Variants in SBF2 observed in about 807,000 individuals in gnomAD.
The protein encoded by SBF2 is myotubularin-related protein 13.
Under a neutral mutation model 225.2 loss-of-function variants are expected in SBF2, and 112 were observed. The ratio of observed to expected loss-of-function variants is 0.50; its 90% CI spans 0.43 to 0.58. SBF2 has a LOEUF of 0.58. Ranked by LOEUF, SBF2 falls within the 20% of genes least tolerant of loss-of-function variation. SBF2 has a pLI of 0.00. For missense variants in SBF2, 1,996 were observed against 2,206.2 expected (o/e 0.90, Z 1.91); for synonymous variants, 763 against 773.3 (o/e 0.99, Z 0.22).
intron 1 of SBF2, among the ~76,000 whole-genome samples, chr11:10,274,570 G>C (rs555416712): frequency 9.1e-4 from 138 of 152,218 alleles, no homozygotes; most frequent in African/African-American, 3.2e-3. Context: ...GGCCAACATA[G>C]TGAAACACTG....
At chr11:10,198,919 G>A (rs1262730551) in intron 1 of SBF2, among the ~76,000 whole-genome samples, 1 of 152,186 alleles carries the variant, frequency 6.6e-6, no homozygotes, top group Non-Finnish European at 1.5e-5. Context: ...TTTGTCTTAA[G>A]AAAATGTTGT....
At chr11:10,117,113 T>C (rs1363907105) in intron 2 of SBF2, among the ~76,000 whole-genome samples, 3 of 152,166 alleles carry the variant, frequency 2.0e-5, no homozygotes, top group Non-Finnish European at 1.5e-5. Context: ...TTTACTTTCA[T>C]AGTACTGATA....
chr11:9,856,951 C>A (rs566725257), intron 18 of SBF2, among the ~76,000 whole-genome samples: 18 of 152,162 alleles, frequency 1.2e-4, no homozygotes, highest in South Asian at 2.1e-4. Flanking sequence ...CCACGCCCAG[C>A]TAATTTTTTG....
chr11:9,932,844 TAA>T (rs1187064213), intron 16 of SBF2, among the ~76,000 whole-genome samples: 1 of 149,668 alleles, frequency 6.7e-6, no homozygotes, highest in Non-Finnish European at 1.5e-5. Context: ...GCAAATTGAA[TAA>T]AGAGTCAAGA....
chr11:9,814,766 C>G (rs530086041), intron 29 of SBF2, among the ~76,000 whole-genome samples: 3 of 152,206 alleles, frequency 2.0e-5, no homozygotes, highest in African/African-American at 7.2e-5. Context: ...TTCCTATTTC[C>G]CAACTATACA....
At chr11:9,825,662 T>C (rs1405008820) in intron 28 of SBF2, among the ~76,000 whole-genome samples, 3 of 152,174 alleles carry the variant, frequency 2.0e-5, no homozygotes, top group Non-Finnish European at 4.4e-5. Context: ...TTTTGTAAAG[T>C]AGAATCTTTA....
intron 16 of SBF2, among the ~76,000 whole-genome samples, chr11:9,930,464 G>C (rs1444253102): frequency 6.6e-6 from 1 of 152,196 alleles, no homozygotes; most frequent in African/African-American, 2.4e-5. Context: ...AATGGGTATA[G>C]AGGCAGGGTG....
intron 2 of SBF2, among the ~76,000 whole-genome samples, chr11:10,125,521 TA>T (rs1953708334): frequency 6.6e-6 from 1 of 152,200 alleles, no homozygotes; most frequent in South Asian, 2.1e-4. Flanking sequence ...TCCTGCCTTT[TA>T]TATGTGTGTC....
At chr11:10,176,748 A>T (rs1342509243) in intron 2 of SBF2, among the ~76,000 whole-genome samples, 1 of 152,200 alleles carries the variant, frequency 6.6e-6, no homozygotes, top group African/African-American at 2.4e-5. Context: ...TCACAGCCGA[A>T]TTGTACCAGA....
intron 2 of SBF2, among the ~76,000 whole-genome samples, chr11:10,178,224 T>C (rs1433438593): frequency 6.7e-6 from 1 of 149,658 alleles, no homozygotes; most frequent in Non-Finnish European, 1.5e-5. Flanking sequence ...ACGTTAGACC[T>C]AAAACCATAA....
chr11:10,026,471 C>G (rs568944204), intron 6 of SBF2, among the ~76,000 whole-genome samples: 1 of 152,162 alleles, frequency 6.6e-6, no homozygotes. Context: ...TGGCTCATGC[C>G]TATAATCCCA....
At chr11:10,108,515 C>CT (rs34189666) in intron 2 of SBF2, among the ~76,000 whole-genome samples, 2,588 of 83,478 alleles carry the variant, frequency 0.031, 309 homozygotes, top group African/African-American at 0.063. Context: ...TAATAGTTAA[C>CT]TTTTTTTTTT....
At chr11:10,186,741 G>T (rs1264888106) in intron 2 of SBF2, among the ~76,000 whole-genome samples, 1 of 152,112 alleles carries the variant, frequency 6.6e-6, no homozygotes, top group East Asian at 1.9e-4. Context: ...TTCCTCTGGT[G>T]ACCAGCCCCT....
chr11:10,145,835 G>A lies in SBF2; in HGVS notation c.141+48067C>T, dbSNP rs181990089. On this transcript the variant is annotated intron_variant, in intron 2 of 39. Coordinates refer to ENST00000256190, the MANE Select transcript of SBF2 (RefSeq NM_030962.4). ...TACACCTAGGAAATGTCACGGTCTT[G>A]GCCCAAAAGTTCCTTCAGCTGATAA... is the stretch of plus-strand genomic sequence containing the variant. Among the ~76,000 whole-genome samples the A allele has an allele frequency of 2.6e-3, 396 of 152,168 alleles. 2 individuals carry two copies. The highest frequency in any genetic ancestry group is 6.6e-3 in the South Asian group (32 of 4,830).
intron 2 of SBF2, among the ~76,000 whole-genome samples, chr11:10,188,746 C>A (rs1429499169): frequency 1.3e-5 from 2 of 152,188 alleles, no homozygotes; most frequent in African/African-American, 2.4e-5. Flanking sequence ...TCATGAGGTT[C>A]CCTGCCCTGT....
At chr11:9,869,866 G>A (rs749716920) in intron 17 of SBF2, among the ~76,000 whole-genome samples, 8 of 152,194 alleles carry the variant, frequency 5.3e-5, no homozygotes, top group Admixed American at 2.6e-4. Context: ...AATCAGGCAA[G>A]AGAAAGAAAT....
intron 2 of SBF2, among the ~76,000 whole-genome samples, chr11:10,176,350 C>T (rs1367568006): frequency 1.3e-5 from 2 of 151,530 alleles, no homozygotes; most frequent in Non-Finnish European, 2.9e-5. Context: ...CAGAGCAGAA[C>T]TGAAGGAAAT....
intron 21 of SBF2, 40 bp from the exon 22 acceptor site, chr11:9,850,258 A>G (rs760278960): frequency 1.4e-5 from 22 of 1,582,744 alleles, no homozygotes; most frequent in South Asian, 1.2e-4. Context: ...TTGATTGACT[A>G]ATTGATTGAT....
At chr11:9,964,043 A>C (rs1431505021) in intron 14 of SBF2, among the ~76,000 whole-genome samples, 161 bp from the exon 15 acceptor site, 1 of 152,144 alleles carries the variant, frequency 6.6e-6, no homozygotes, top group East Asian at 1.9e-4. Context: ...TTGAGCCCAG[A>C]GGTTTGAGAC....
Sources: allele counts gnomAD v4.1 joint callset (sites outside exome capture counted in the v4.1 genomes callset), GRCh38; gene constraint gnomAD v4.1.1; transcripts MANE v1.5; gene names NCBI Gene and HGNC (gene_info 2026-07-23, HGNC 2026-07-21).